The following REEP6 variants were observed in gnomAD, a reference collection of about 807,000 sequenced individuals.
REEP6 encodes the protein receptor expression-enhancing protein 6.
A neutral mutation model predicts 22.4 loss-of-function variants in REEP6; 19 were observed. That is an observed-to-expected ratio of 0.85 (90% confidence interval 0.59 to 1.25). The LOEUF is 1.25. Ranked by LOEUF, REEP6 falls within the 50% of genes most tolerant of loss-of-function variation. The probability of loss-of-function intolerance (pLI) is 0.00; values close to 1 mark genes in which losing one functional copy is unlikely to be tolerated. For missense variants in REEP6, 273 were observed against 251.9 expected (o/e 1.08, Z -0.57); for synonymous variants, 121 against 113.6 (o/e 1.06, Z -0.41).
chr19:1,491,615 C>A lies in REEP6; in HGVS notation c.115+231C>A, dbSNP rs2084943403. On this transcript the variant is annotated intron_variant, in intron 1 of 4. Transcript: ENST00000233596. The surrounding 1 kb of genome is among the most constrained non-coding windows in gnomAD (Gnocchi z 5.4). ...GCCCCTGGCCGCCCCCCGACGCCTC[C>A]TTCCGGGCGCTGGGTGCCTGCCATG... Among the ~76,000 whole-genome samples the A allele has an allele frequency of 6.6e-6, 1 of 152,248 alleles. No homozygotes were observed. Among genetic ancestry groups the A allele is most frequent in the South Asian group, 2.1e-4 (1 of 4,834 alleles).
intron 3 of REEP6, 38 bp downstream of exon 3, chr19:1,495,645 T>C (rs757802600): frequency 4.3e-6 from 7 of 1,611,914 alleles, no homozygotes; most frequent in Admixed American, 1.7e-5. Context: ...GTGGAGCGCA[T>C]GGGGCTTGGG....
rs1464978986 is a variant in REEP6, at chr19:1,497,034, A to AC, written c.518-139dup. Reference sequence around the variant, plus strand: ...GACCATGAAAGCCTCTGTGTGGTTGACACCATCTCTGCTGAGGGTGGCTGC... The same window carrying AC: ...GACCATGAAAGCCTCTGTGTGGTTGACCACCATCTCTGCTGAGGGTGGCTGC... On this transcript the variant is annotated intron_variant, in intron 4 of 4. Transcript: ENST00000233596. This position sits in a 1 kb window ranked among gnomAD's most constrained non-coding sequence, Gnocchi z 6.5. 32 of 656,674 alleles carry AC rather than the reference A, an allele frequency of 4.9e-5. No homozygotes were observed. Among genetic ancestry groups the AC allele is most frequent in the South Asian group, 1.6e-4 (8 of 49,136 alleles). The allele number at this position is 656,674 out of a possible 1,614,324, so 40.7% of individuals were successfully genotyped here.
At chr19:1,496,596 C>G (rs2085009234) in intron 4 of REEP6, 143 bp downstream of exon 4, 2 of 1,090,706 alleles carry the variant, frequency 1.8e-6, no homozygotes, top group East Asian at 5.1e-5. Context: ...ACCAGTCTTG[C>G]AGGTCCTGGC....
In REEP6 at chr19:1,497,061, C is replaced by G. The variant is rs2244794; in HGVS notation, c.518-113C>G. The stretch of plus-strand genomic sequence containing the variant: ...ACCATCTCTGCTGAGGGTGGCTGCC[C>G]GGCCCCTCGACTTGTCATGCTCATA... On this transcript the variant is annotated intron_variant, in intron 4 of 4. Coordinates refer to ENST00000233596, the MANE Select transcript of REEP6 (RefSeq NM_138393.4). The surrounding 1 kb of genome is among the most constrained non-coding windows in gnomAD (Gnocchi z 6.5). 1 of 881,928 alleles carries G rather than the reference C, an allele frequency of 1.1e-6. No homozygotes were observed. The highest frequency in any genetic ancestry group is 2.7e-5 in the East Asian group (1 of 36,440). 54.6% of individuals were successfully genotyped at this position (881,928 alleles called of 1,614,324 possible).
At chr19:1,496,791 A>G in intron 4 of REEP6, 1 of 595,498 alleles carries the variant, frequency 1.7e-6, no homozygotes, top group Non-Finnish European at 3.1e-6. Context: ...ATGTTTTGTC[A>G]TGTGCAAGAG....
Position 1,496,294 on chromosome 19 carries a change from C to G in REEP6, c.358C>G (p.Leu120Val). The G allele has an allele frequency of 6.2e-7, 1 of 1,608,204 alleles. No homozygotes were observed. The highest frequency in any genetic ancestry group is 8.5e-7 in the Non-Finnish European group (1 of 1,177,218). The part of the protein sequence containing the change: ...PFYYVGKCAF[L>V]LFCMAPRPWN... ...CTGCCCCGCCCTGCAGTGCGCCTTC[C>G]TGTTGTTCTGCATGGCTCCCAGGCC... Residue 120 changes from leucine to valine, a missense_variant, in exon 4 of 5, where the codon CTG (leucine) becomes GTG (valine). Physicochemically the swap from Leu to Val is conservative, Grantham distance 32 (BLOSUM62 1). Coordinates refer to ENST00000233596, the MANE Select transcript of REEP6 (RefSeq NM_138393.4).
chr19:1,497,278 C>T lies in REEP6; in HGVS notation c.*67C>T, dbSNP rs761166671. ...GAGGGGGCCGCGCCAGGCTCCCAGG[C>T]CTCCACAGAGTCTTCAGCGCATCCC... On this transcript the variant is annotated 3_prime_UTR_variant, in exon 5 of 5. Transcript: ENST00000233596. This position sits in a 1 kb window ranked among gnomAD's most constrained non-coding sequence, Gnocchi z 6.5. 1 of 1,406,890 alleles carries T rather than the reference C, an allele frequency of 7.1e-7. No homozygotes were observed. The highest frequency in any genetic ancestry group is 1.2e-5 in the South Asian group (1 of 81,542). The allele number at this position is 1,406,890 out of a possible 1,614,324, so 87.2% of individuals were successfully genotyped here. A position where few individuals can be genotyped will look rare whatever the true frequency, so the allele number is the denominator to read the frequency against.
At chr19:1,496,634 G>T (rs540632629) in intron 4 of REEP6, 181 bp downstream of exon 4, 10 of 820,018 alleles carry the variant, frequency 1.2e-5, no homozygotes, top group Non-Finnish European at 1.9e-5. Flanking sequence ...TCACCCCGGT[G>T]GCTGTGGCCG....
Position 1,495,624 on chromosome 19 carries a change from C to A in REEP6, c.348+17C>A. On this transcript the variant is annotated intron_variant, in intron 3 of 4. Coordinates refer to ENST00000233596, the MANE Select transcript of REEP6 (RefSeq NM_138393.4). ...GTGGGCAAGGTGGGCCCTGCCAGGG[C>A]GGGCACAGCCGTGGAGCGCATGGGG... is the stretch of plus-strand genomic sequence containing the variant. 1.2e-6 allele frequency: 2 copies of A among 1,613,852 alleles called. No individual in the cohort carries two copies. The highest frequency in any genetic ancestry group is 1.7e-6 in the Non-Finnish European group (2 of 1,179,932).
chr19:1,495,340 G>A lies in REEP6; in HGVS notation c.162G>A (p.Ala54=), dbSNP rs371810396. 2.2e-5 allele frequency: 36 copies of A among 1,613,542 alleles called. No homozygotes were observed. The highest frequency in any genetic ancestry group is 2.0e-4 in the East Asian group (9 of 44,892). ...TGTATCTGCTGTTCGGCTACGGAGC[G>A]TCTCTGCTGTGCAATCTCATCGGAT... The part of the protein sequence containing the change: ...LSLYLLFGYG[A]SLLCNLIGFV... The change falls in exon 2 of 5, where the codon GCG becomes GCA. Residue 54 remains alanine (A), a synonymous_variant. Coordinates refer to ENST00000233596, the MANE Select transcript of REEP6 (RefSeq NM_138393.4).
chr19:1,493,185 G>A (rs973988659), intron 1 of REEP6, among the ~76,000 whole-genome samples: 3 of 152,136 alleles, frequency 2.0e-5, no homozygotes, highest in African/African-American at 7.2e-5. Context: ...TGAAGCTGCA[G>A]GAAAAGGGAT....
Position 1,497,150 on chromosome 19 carries a change from C to T in REEP6, c.518-24C>T. 7.4e-7 allele frequency: 1 copy of T among 1,357,804 alleles called. No individual in the cohort carries two copies. Among genetic ancestry groups the T allele is most frequent in the Non-Finnish European group, 9.7e-7 (1 of 1,027,740 alleles). The allele number at this position is 1,357,804 out of a possible 1,614,324, so 84.1% of individuals were successfully genotyped here. On this transcript the variant is annotated intron_variant, in intron 4 of 4. Transcript: ENST00000233596. This position sits in a 1 kb window ranked among gnomAD's most constrained non-coding sequence, Gnocchi z 6.5. ...AGCCCAGGCCTGCCTCACGGCCCTCCCCCACCCGCCCCTCTCTCTGCAGTC... is the reference window on the plus strand; with the variant it reads ...AGCCCAGGCCTGCCTCACGGCCCTCTCCCACCCGCCCCTCTCTCTGCAGTC...
intron 1 of REEP6, among the ~76,000 whole-genome samples, chr19:1,494,936 G>A (rs568907509): frequency 1.3e-5 from 2 of 152,208 alleles, no homozygotes; most frequent in South Asian, 2.1e-4. Context: ...CACCTGCCTC[G>A]GCCTCCCAAA....
chr19:1,496,270 T>G lies in REEP6; in HGVS notation c.349-15T>G, dbSNP rs1268405078. 6.3e-7 allele frequency: 1 copy of G among 1,593,928 alleles called. No homozygotes were observed. The highest frequency in any genetic ancestry group is 8.6e-7 in the Non-Finnish European group (1 of 1,167,936). ...GCTGGGTGGGCCCGCGTGTAACTCC[T>G]GCCCCGCCCTGCAGTGCGCCTTCCT... On this transcript the variant is annotated splice_polypyrimidine_tract_variant and intron_variant, in intron 3 of 4. Coordinates refer to ENST00000233596, the MANE Select transcript of REEP6 (RefSeq NM_138393.4).
chr19:1,497,198 C>G lies in REEP6; in HGVS notation c.542C>G (p.Pro181Arg). ...RNVKPSQTPQ[P>R]KDK ...GTCAAGCCAAGCCAGACCCCGCAGC[C>G]GAAGGACAAGTGAAGCAGCCCCCTG... Residue 181 changes from proline (P) to arginine (R), a missense_variant, in exon 5 of 5, where the codon CCG (proline) becomes CGG (arginine). Transcript: ENST00000233596. This position sits in a 1 kb window ranked among gnomAD's most constrained non-coding sequence, Gnocchi z 6.5. 2 of 1,506,302 alleles carry G rather than the reference C, an allele frequency of 1.3e-6. No individual in the cohort carries two copies. Among genetic ancestry groups the G allele is most frequent in the Admixed American group, 2.3e-5 (1 of 44,170 alleles). 93.3% of individuals were successfully genotyped at this position (1,506,302 alleles called of 1,614,324 possible). A position where few individuals can be genotyped will look rare whatever the true frequency, so the allele number is the denominator to read the frequency against.
chr19:1,497,852 C>T lies in REEP6; in HGVS notation c.*641C>T. The T allele has an allele frequency of 2.1e-6, 1 of 470,500 alleles. No individual in the cohort carries two copies. The highest frequency in any genetic ancestry group is 4.4e-6 in the Non-Finnish European group (1 of 226,736). 29.1% of individuals were successfully genotyped at this position (470,500 alleles called of 1,614,324 possible). On this transcript the variant is annotated 3_prime_UTR_variant, in exon 5 of 5. Transcript: ENST00000233596. This position sits in a 1 kb window ranked among gnomAD's most constrained non-coding sequence, Gnocchi z 6.5. ...CCTGCAGCTGGCCACACCACAGGCC[C>T]CCGTGCCTGCAGCACTACTGGTGCC...
chr19:1,497,234 G>C lies in REEP6; in HGVS notation c.*23G>C. The C allele has an allele frequency of 6.8e-7, 1 of 1,473,750 alleles. No individual in the cohort carries two copies. The highest frequency in any genetic ancestry group is 9.1e-7 in the Non-Finnish European group (1 of 1,097,778). 91.3% of individuals were successfully genotyped at this position (1,473,750 alleles called of 1,614,324 possible). Reference sequence around the variant, plus strand: ...TGAAGCAGCCCCCTGAGCCTCACAAGGACCTCCTGGCTGGTGAGGAGGGGG... The same window carrying C: ...TGAAGCAGCCCCCTGAGCCTCACAACGACCTCCTGGCTGGTGAGGAGGGGG... On this transcript the variant is annotated 3_prime_UTR_variant, in exon 5 of 5. Transcript: ENST00000233596. This position sits in a 1 kb window ranked among gnomAD's most constrained non-coding sequence, Gnocchi z 6.5.
intron 1 of REEP6, among the ~76,000 whole-genome samples, chr19:1,494,393 G>A (rs528780637): frequency 6.6e-6 from 1 of 152,304 alleles, no homozygotes; most frequent in South Asian, 2.1e-4. Context: ...GGGGCTGATG[G>A]CATGGAGTGG....
In REEP6 at chr19:1,496,509, CT is replaced by C. The variant is rs886742426; in HGVS notation, c.517+57del. ...GGCCATCTCCCGGGTCTGGACCTGT[CT>C]CTCTCCACCTTGCCTCCCTTTCTGA... On this transcript the variant is annotated intron_variant, in intron 4 of 4. Coordinates refer to ENST00000233596, the MANE Select transcript of REEP6 (RefSeq NM_138393.4). 1.9e-6 allele frequency: 3 copies of C among 1,579,052 alleles called. No homozygotes were observed. The African/African-American group carries it at 4.1e-5, about 22-fold the overall frequency.
Sources: gnomAD v4.1 joint callset for allele counts (sites outside exome capture counted in the v4.1 genomes callset) on GRCh38, gnomAD v4.1.1 for gene constraint, Gnocchi (gnomAD v3.1) non-coding constraint, MANE v1.5 for transcripts, NCBI Gene and HGNC (gene_info 2026-07-23, HGNC 2026-07-21) for gene names.